The following CGNL1 variants were observed in gnomAD, a reference collection of about 807,000 sequenced individuals.
The protein encoded by CGNL1 is cingulin like 1, also known as cingulin-like protein 1.
In CGNL1, 132 loss-of-function variants were observed where a neutral mutation model predicts 141.2. The observed-to-expected ratio is 0.93, with a 90% CI of 0.81 to 1.08. The LOEUF (loss-of-function observed/expected upper bound fraction) is 1.08. Among genes scored for constraint, CGNL1 ranks in the 50% least tolerant of loss-of-function variants. The pLI is 0.00. For missense variants in CGNL1, 1,870 were observed against 1,588.6 expected, an observed-to-expected ratio of 1.18 and a Z score of -3.01; for synonymous variants, 690 against 622.1, an observed-to-expected ratio of 1.11 and a Z score of -1.63.
At chr15:57,404,036 T>A (rs537851807) in intron 1 of CGNL1, among the ~76,000 whole-genome samples, 21 of 152,342 alleles carry the variant, frequency 1.4e-4, no homozygotes, top group African/African-American at 4.6e-4. Context: ...GACTTGACTT[T>A]CCAACTACTT....
At chr15:57,380,142 C>T (rs1272243715) in intron 1 of CGNL1, among the ~76,000 whole-genome samples, 1 of 152,182 alleles carries the variant, frequency 6.6e-6, no homozygotes, top group Non-Finnish European at 1.5e-5. Flanking sequence ...AAGCAATCCT[C>T]CCTGCCTCAG....
At chr15:57,379,047 T>TG (rs752466925) in intron 1 of CGNL1, among the ~76,000 whole-genome samples, 3,806 of 148,266 alleles carry the variant, frequency 0.026, 67 homozygotes, top group South Asian at 0.036. Flanking sequence ...TACTGTTTTT[T>TG]TTGTGTGTGT....
At chr15:57,529,869 T>C (rs2031856119) in intron 13 of CGNL1, among the ~76,000 whole-genome samples, 2 of 152,222 alleles carry the variant, frequency 1.3e-5, no homozygotes, top group Admixed American at 1.3e-4. Context: ...GTTTAAGTCA[T>C]TGAAGATTTT....
intron 1 of CGNL1, among the ~76,000 whole-genome samples, chr15:57,430,466 G>A (rs1322340894): frequency 6.6e-6 from 1 of 151,950 alleles, no homozygotes; most frequent in African/African-American, 2.4e-5. Context: ...TATAAAATAC[G>A]AACCACTGAA....
rs1398285965 is a variant in CGNL1 at position 57,461,836 on chromosome 15, G to A, written c.2347G>A (p.Glu783Lys). The A allele has an allele frequency of 6.2e-7, 1 of 1,614,064 alleles. No individual in the cohort carries two copies. Among genetic ancestry groups the A allele is most frequent in the Non-Finnish European group, 8.5e-7 (1 of 1,179,994 alleles). ...TGATCAGGAGATGGACAAGCTGAAG[G>A]AGCAATATGATGCTGAGTTGCAGGC... ...SHDQEMDKLK[E>K]QYDAELQALR... is the part of the protein sequence containing the mutation. The change falls in exon 8 of 19, where the codon GAG (glutamate) becomes AAG (lysine). Residue 783 changes from glutamate (E) to lysine (K), a missense_variant. By Grantham distance (56) the Glu-to-Lys change is moderately conservative. Coordinates refer to ENST00000281282, the MANE Select transcript of CGNL1 (RefSeq NM_032866.5).
chr15:57,538,429 C>T (rs1447438858), intron 14 of CGNL1, among the ~76,000 whole-genome samples: 1 of 152,142 alleles, frequency 6.6e-6, no homozygotes, highest in African/African-American at 2.4e-5. Context: ...TTTTAATAGC[C>T]ATCTTTTAAG....
At chr15:57,405,815 T>C (rs866066290) in intron 1 of CGNL1, among the ~76,000 whole-genome samples, 6,473 of 117,956 alleles carry the variant, frequency 0.055, 106 homozygotes, top group East Asian at 0.083. Flanking sequence ...TCTTTCCTTC[T>C]TTCTTTCTTT....
chr15:57,434,976 C>T (rs1368687768), intron 1 of CGNL1, among the ~76,000 whole-genome samples: 2 of 151,922 alleles, frequency 1.3e-5, no homozygotes, highest in Non-Finnish European at 2.9e-5. Context: ...AGCAATGAGA[C>T]CCTAATATAG....
chr15:57,512,971 A>G (rs150211486), intron 8 of CGNL1, among the ~76,000 whole-genome samples: 2 of 151,542 alleles, frequency 1.3e-5, no homozygotes, highest in African/African-American at 2.4e-5. Flanking sequence ...AAACAGCTGT[A>G]TTAAGATATA....
intron 8 of CGNL1, among the ~76,000 whole-genome samples, chr15:57,510,042 A>T (rs2030115757): frequency 3.3e-5 from 5 of 152,218 alleles, no homozygotes. Context: ...AAGGACTATT[A>T]GAAGATCTCA....
At chr15:57,380,908 AC>A (rs2062417332) in intron 1 of CGNL1, among the ~76,000 whole-genome samples, 1 of 152,206 alleles carries the variant, frequency 6.6e-6, no homozygotes, top group Non-Finnish European at 1.5e-5. Context: ...CAGCTGCAGC[AC>A]TTTTTGGAGC....
chr15:57,520,549 C>T (rs558481464), intron 10 of CGNL1, among the ~76,000 whole-genome samples: 11 of 152,212 alleles, frequency 7.2e-5, no homozygotes, highest in South Asian at 2.1e-4. Context: ...AATGCCCTAC[C>T]GCTTGCTTCA....
In CGNL1 at chr15:57,499,238, CTTTT is replaced by C. The variant is rs201081475; in HGVS notation, c.2404-17521_2404-17518del. Among the ~76,000 whole-genome samples, 902 of 91,828 alleles carry C rather than the reference CTTTT, an allele frequency of 9.8e-3. 5 individuals are homozygous for C. Among genetic ancestry groups the C allele is most frequent in the South Asian group, 0.02 (63 of 3,170 alleles). 60.2% of individuals were successfully genotyped at this position (91,828 alleles called of 152,430 possible). ...GGAACTCATGAAATAAAGTTAATGG[CTTTT>C]TTTTTTTTTTTTTTTTTTTTGGAGA... On this transcript the variant is annotated intron_variant, in intron 8 of 18. Transcript: ENST00000281282.
At chr15:57,407,466 A>C (rs2062736362) in intron 1 of CGNL1, among the ~76,000 whole-genome samples, 1 of 152,172 alleles carries the variant, frequency 6.6e-6, no homozygotes. Context: ...TGAGACCAGG[A>C]GTTTGAGACC....
At chr15:57,528,049 A>C (rs1244878551) in intron 12 of CGNL1, among the ~76,000 whole-genome samples, 4 of 152,178 alleles carry the variant, frequency 2.6e-5, no homozygotes, top group Admixed American at 2.6e-4. Flanking sequence ...CTGAGTTGAG[A>C]AGTTCGAGAC....
At chr15:57,518,864 T>C (rs1234893106) in intron 10 of CGNL1, among the ~76,000 whole-genome samples, 3 of 152,212 alleles carry the variant, frequency 2.0e-5, no homozygotes, top group Non-Finnish European at 4.4e-5. Flanking sequence ...GTTTAGACGT[T>C]AAAGAGCTTG....
chr15:57,486,375 A>G (rs889945152), intron 8 of CGNL1, among the ~76,000 whole-genome samples: 1 of 151,922 alleles, frequency 6.6e-6, no homozygotes, highest in African/African-American at 2.4e-5. Context: ...GGGGAAAGGA[A>G]GAGGGGGTCA....
At chr15:57,377,244 A>G (rs1301616077) in intron 1 of CGNL1, 1 of 152,152 alleles carries the variant, frequency 6.6e-6, no homozygotes, top group African/African-American at 2.4e-5. Context: ...TCTTCACCCT[A>G]AGGCCGCTGC....
intron 4 of CGNL1, among the ~76,000 whole-genome samples, chr15:57,443,670 T>C (rs1595710994): frequency 1.3e-5 from 2 of 152,216 alleles, no homozygotes; most frequent in South Asian, 4.1e-4. Context: ...CTTTACACCA[T>C]AGTCCTTGCG....
Sources: allele counts gnomAD v4.1 joint callset (sites outside exome capture counted in the v4.1 genomes callset), GRCh38; gene constraint gnomAD v4.1.1; transcripts MANE v1.5; gene names NCBI Gene and HGNC (gene_info 2026-07-23, HGNC 2026-07-21).